The following GLI2 variants were observed in gnomAD, a reference collection of about 807,000 sequenced individuals.
The protein encoded by GLI2 is transcription activator GLI2.
GLI2 carries 22 observed loss-of-function variants against 78.9 expected under a neutral mutation model. The observed-to-expected ratio is 0.28, with a 90% CI of 0.20 to 0.40. GLI2 has a LOEUF of 0.40. Ranked by LOEUF, GLI2 falls within the 10% of genes least tolerant of loss-of-function variation. The pLI is 1.00. For synonymous variants in GLI2, 974 were observed against 963.7 expected (o/e 1.01, Z -0.20); for missense variants, 2,097 against 2,213.2 (o/e 0.95, Z 1.05).
In GLI2 at chr2:120,990,045, C is replaced by T; in HGVS notation, c.4080C>T (p.Pro1360=). ...TGCAGCCCCGGCCTCCCCTCGAGCC[C>T]AGCCCCACTGGCCGCCACCGTGGGG... The part of the protein sequence containing the change: ...GLVQPRPPLE[P]SPTGRHRGVR... The change falls in exon 14 of 14, where the codon CCC becomes CCT. Residue 1360 remains proline (P), a synonymous_variant. Transcript: ENST00000361492. 1.2e-6 allele frequency: 2 copies of T among 1,603,424 alleles called. No homozygotes were observed. The highest frequency in any genetic ancestry group is 8.5e-7 in the Non-Finnish European group (1 of 1,174,148).
At chr2:120,797,152 T>C in intron 1 of GLI2, 139 bp from the exon 2 acceptor site, 1 of 718,452 alleles carries the variant, frequency 1.4e-6, no homozygotes, top group South Asian at 1.6e-5. Context: ...TCAAAATTAA[T>C]TAAACCCTCC....
rs574249045 is a variant in GLI2, at chr2:120,746,019, G to T, written c.-31+9734G>T. Among the ~76,000 whole-genome samples the T allele has an allele frequency of 1.4e-3, 219 of 152,306 alleles. 1 individual carries two copies. Among genetic ancestry groups the T allele is most frequent in the African/African-American group, 5.1e-3 (214 of 41,562 alleles). On this transcript the variant is annotated intron_variant, in intron 1 of 13. Coordinates refer to ENST00000361492, the MANE Select transcript of GLI2 (RefSeq NM_001374353.1). ...ACCTGGGTGCCACATCCTTCTGCAG[G>T]TGCAACCCTCAGCCCCTGGGCCCGT...
intron 2 of GLI2, among the ~76,000 whole-genome samples, chr2:120,891,799 T>C (rs1413226376): frequency 6.6e-6 from 1 of 152,148 alleles, no homozygotes; most frequent in East Asian, 1.9e-4. Context: ...CTGACCCCAC[T>C]GAAAAAGCAG....
At chr2:120,983,945 G>T (rs62152034) in intron 11 of GLI2, among the ~76,000 whole-genome samples, 28 of 88,886 alleles carry the variant, frequency 3.2e-4, no homozygotes, top group East Asian at 1.6e-3. Context: ...GTGGTGTGTG[G>T]GGTGTGTGTG....
At chr2:120,911,833 T>C (rs544375450) in intron 2 of GLI2, among the ~76,000 whole-genome samples, 1 of 141,828 alleles carries the variant, frequency 7.1e-6, no homozygotes, top group Admixed American at 7.0e-5. Flanking sequence ...GGGGGTGTGG[T>C]GGGGAGGGGC....
At chr2:120,952,962 C>T (rs549332618) in intron 4 of GLI2, among the ~76,000 whole-genome samples, 11 of 152,348 alleles carry the variant, frequency 7.2e-5, no homozygotes, top group East Asian at 1.9e-4. Flanking sequence ...TTGGTTCCCT[C>T]GGACAGTGAC....
At chr2:120,955,017 G>A (rs933351664) in intron 4 of GLI2, among the ~76,000 whole-genome samples, 3 of 152,086 alleles carry the variant, frequency 2.0e-5, no homozygotes, top group Non-Finnish European at 2.9e-5. Context: ...TACAGAGGTC[G>A]GGGTCTGGCC....
intron 2 of GLI2, among the ~76,000 whole-genome samples, chr2:120,835,718 G>A (rs1573454096): frequency 1.3e-5 from 2 of 152,166 alleles, no homozygotes; most frequent in African/African-American, 4.8e-5. Flanking sequence ...ATGTAACTTT[G>A]CTCTGGAAGT....
intron 6 of GLI2, among the ~76,000 whole-genome samples, chr2:120,969,177 A>T (rs149369458): frequency 6.6e-6 from 1 of 152,370 alleles, no homozygotes; most frequent in Non-Finnish European, 1.5e-5. Flanking sequence ...GTTTGAGGTC[A>T]AAGATGGTTT....
intron 2 of GLI2, among the ~76,000 whole-genome samples, chr2:120,878,278 C>T (rs760308910): frequency 1.8e-4 from 28 of 152,224 alleles, no homozygotes; most frequent in Non-Finnish European, 3.7e-4. Context: ...TACGATACCA[C>T]CGTCAAATGT....
chr2:120,821,515 C>G (rs538448699), intron 2 of GLI2, among the ~76,000 whole-genome samples: 1 of 152,242 alleles, frequency 6.6e-6, no homozygotes, highest in South Asian at 2.1e-4. Context: ...TGTAAACCAG[C>G]TCCTGGCCTA....
rs749819734 is a variant in GLI2, at chr2:120,988,976, G to A, written c.3011G>A (p.Arg1004His). The change falls in exon 14 of 14, where the codon CGC becomes CAC. Residue 1004 changes from arginine to histidine, a missense_variant. Arg to His is a conservative substitution (Grantham distance 29). Transcript: ENST00000361492. ...CCGAGCACCGACGGCGGCCTGGCCC[G>A]CGGCGCCTACTCGCCCCGGCCGCCT... Reference protein sequence around the residue: ...SHPSTDGGLARGAYSPRPPSI... With the variant: ...SHPSTDGGLAHGAYSPRPPSI... 14 of 1,562,936 alleles carry A rather than the reference G, an allele frequency of 9.0e-6. No homozygotes were observed. The East Asian group carries it at 1.2e-4, about 13-fold the overall frequency.
At chr2:120,804,692 C>T (rs572147185) in intron 2 of GLI2, among the ~76,000 whole-genome samples, 1 of 152,376 alleles carries the variant, frequency 6.6e-6, no homozygotes, top group Non-Finnish European at 1.5e-5. Context: ...TCCAGAACAA[C>T]CAGTTCCCCT....
chr2:120,801,418 C>T (rs1358140121), intron 2 of GLI2, among the ~76,000 whole-genome samples: 4 of 152,090 alleles, frequency 2.6e-5, no homozygotes, highest in East Asian at 1.9e-4. Context: ...GGATTACAGG[C>T]GTGAGCCACC....
At chr2:120,877,500 G>GC (rs935297059) in intron 2 of GLI2, among the ~76,000 whole-genome samples, 8 of 152,116 alleles carry the variant, frequency 5.3e-5, no homozygotes, top group Non-Finnish European at 1.2e-4. Context: ...ATGAGCCGAA[G>GC]CCCCCCTGTG....
intron 11 of GLI2, among the ~76,000 whole-genome samples, 171 bp from the exon 12 acceptor site, chr2:120,984,300 T>G (rs1682862546): frequency 6.6e-6 from 1 of 152,228 alleles, no homozygotes; most frequent in Admixed American, 6.5e-5. Flanking sequence ...GCCAGGCTCC[T>G]GCATGGTGCC....
At chr2:120,812,588 T>C (rs1001423583) in intron 2 of GLI2, among the ~76,000 whole-genome samples, 52 of 151,938 alleles carry the variant, frequency 3.4e-4, no homozygotes, top group African/African-American at 1.2e-3. Context: ...ACTCCCAGAG[T>C]GGCCTTCTGG....
intron 2 of GLI2, among the ~76,000 whole-genome samples, chr2:120,845,065 G>T (rs185977914): frequency 1.1e-3 from 171 of 152,192 alleles, no homozygotes; most frequent in African/African-American, 3.7e-3. Context: ...TTGAGGTCAG[G>T]AGTTCGAGAC....
chr2:120,936,907 C>G (rs1313466854), intron 3 of GLI2, among the ~76,000 whole-genome samples: 1 of 152,210 alleles, frequency 6.6e-6, no homozygotes, highest in African/African-American at 2.4e-5. Flanking sequence ...GAGCAGTGCC[C>G]TGCCCCTGAG....
Sources: allele counts gnomAD v4.1 joint callset (sites outside exome capture counted in the v4.1 genomes callset), GRCh38; gene constraint gnomAD v4.1.1; transcripts MANE v1.5; gene names NCBI Gene and HGNC (gene_info 2026-07-23, HGNC 2026-07-21).